Variants in TPMT observed in about 807,000 individuals in gnomAD.
TPMT encodes thiopurine S-methyltransferase.
Under a neutral mutation model 34.2 loss-of-function variants are expected in TPMT, and 18 were observed. The ratio of observed to expected loss-of-function variants is 0.53; its 90% CI spans 0.36 to 0.78. The LOEUF is 0.78. Ranked by LOEUF, TPMT falls within the 30% of genes least tolerant of loss-of-function variation. TPMT has a pLI of 0.00. For synonymous variants in TPMT, 69 were observed against 92.4 expected (o/e 0.75, Z 1.45); for missense variants, 265 against 288.1 (o/e 0.92, Z 0.58).
chr6:18,133,983 C>A, intron 6 of TPMT, 94 bp from the exon 7 acceptor site: 1 of 915,606 alleles, frequency 1.1e-6, no homozygotes, highest in Non-Finnish European at 1.8e-6. Flanking sequence ...AAGTTACTTT[C>A]GCTGATACTA....
intron 1 of TPMT, among the ~76,000 whole-genome samples, chr6:18,152,815 C>A (rs1432181391): frequency 6.6e-6 from 1 of 152,098 alleles, no homozygotes; most frequent in Non-Finnish European, 1.5e-5. Context: ...GGAAACCAGC[C>A]CTTTCAAAAG....
rs1783918297 is a variant in TPMT, at chr6:18,130,389, T to C, written c.*279A>G. ...TAATTGTACAGGTAACACATGCTGATTGGTAAAATATCTTGCAATCTGCAA... is the reference window on the plus strand; with the variant it reads ...TAATTGTACAGGTAACACATGCTGACTGGTAAAATATCTTGCAATCTGCAA... On this transcript the variant is annotated 3_prime_UTR_variant, in exon 9 of 9. Coordinates refer to ENST00000309983, the MANE Select transcript of TPMT (RefSeq NM_000367.5). The surrounding 1 kb of genome is among the most constrained non-coding windows in gnomAD (Gnocchi z 4.2). 2 of 358,936 alleles carry C rather than the reference T, an allele frequency of 5.6e-6. No individual in the cohort carries two copies. The highest frequency in any genetic ancestry group is 4.2e-5 in the African/African-American group (2 of 47,786). 22.2% of individuals were successfully genotyped at this position (358,936 alleles called of 1,614,324 possible). A position where few individuals can be genotyped will look rare whatever the true frequency, so the allele number is the denominator to read the frequency against.
In TPMT at chr6:18,148,706, AG is replaced by A. The variant is rs1784294498; in HGVS notation, c.140+281del. Among the ~76,000 whole-genome samples, 2 of 152,330 alleles carry A rather than the reference AG, an allele frequency of 1.3e-5. No homozygotes were observed. The highest frequency in any genetic ancestry group is 4.1e-4 in the South Asian group (2 of 4,826). On this transcript the variant is annotated intron_variant, in intron 2 of 8. Transcript: ENST00000309983. This position sits in a 1 kb window ranked among gnomAD's most constrained non-coding sequence, Gnocchi z 4.1. ...GCACCTGTTGTAGGTATAAATATTC[AG>A]GGCCAATACATAGGTGCCGTAGGGA...
At chr6:18,144,954 C>A (rs925081849) in intron 3 of TPMT, among the ~76,000 whole-genome samples, 5 of 152,018 alleles carry the variant, frequency 3.3e-5, no homozygotes, top group African/African-American at 9.7e-5. Flanking sequence ...CTCCTGACCT[C>A]AAATGATCTG....
Position 18,136,633 on chromosome 6 carries a change from C to A in TPMT, c.494+2330G>T, listed in dbSNP as rs914772784. Reference sequence around the variant, plus strand: ...GACCAGCCTGACCAACATGGAGAAACCCCGTCTCTACTAAAAATACAAAAA... The same window carrying A: ...GACCAGCCTGACCAACATGGAGAAAACCCGTCTCTACTAAAAATACAAAAA... On this transcript the variant is annotated intron_variant, in intron 6 of 8. Transcript: ENST00000309983. The surrounding 1 kb of genome is among the most constrained non-coding windows in gnomAD (Gnocchi z 4.7). 2.0e-5 allele frequency among the ~76,000 whole-genome samples: 3 copies of A among 152,188 alleles called. No individual in the cohort carries two copies. Among genetic ancestry groups the A allele is most frequent in the Admixed American group, 1.3e-4 (2 of 15,296 alleles).
Position 18,134,558 on chromosome 6 carries a change from C to A in TPMT, c.495-669G>T, listed in dbSNP as rs560196737. 7.9e-5 allele frequency among the ~76,000 whole-genome samples: 12 copies of A among 152,312 alleles called. No individual in the cohort carries two copies. In the South Asian group the frequency reaches 2.5e-3, roughly 32 times the overall value. On this transcript the variant is annotated intron_variant, in intron 6 of 8. Coordinates refer to ENST00000309983, the MANE Select transcript of TPMT (RefSeq NM_000367.5). ...GAGTAGGTGCCTCAGGGAGCCAGGTCTGATTGGCTCAGAGTGGGAAGCTGA... is the reference window on the plus strand; with the variant it reads ...GAGTAGGTGCCTCAGGGAGCCAGGTATGATTGGCTCAGAGTGGGAAGCTGA...
chr6:18,151,129 T>C (rs545378721), intron 1 of TPMT, among the ~76,000 whole-genome samples: 33 of 152,238 alleles, frequency 2.2e-4, no homozygotes, highest in African/African-American at 7.7e-4. Flanking sequence ...CTTCATGTTT[T>C]TGTACTATTT....
rs1237113706 is a variant in TPMT at position 18,149,495 on chromosome 6, G to T, written c.-44-324C>A. Among the ~76,000 whole-genome samples, 1 of 150,886 alleles carries T rather than the reference G, an allele frequency of 6.6e-6. No homozygotes were observed. The highest frequency in any genetic ancestry group is 1.5e-5 in the Non-Finnish European group (1 of 67,788). On this transcript the variant is annotated intron_variant, in intron 1 of 8. Transcript: ENST00000309983. The surrounding 1 kb of genome is among the most constrained non-coding windows in gnomAD (Gnocchi z 5.0). ...TGTTTTTTTTTTTTTCAGAGACAAG[G>T]TCTTGCTCTGTCACCCAGGCTGGAG...
At chr6:18,142,364 T>G (rs1159067022) in intron 4 of TPMT, among the ~76,000 whole-genome samples, 1 of 152,070 alleles carries the variant, frequency 6.6e-6, no homozygotes, top group Non-Finnish European at 1.5e-5. Context: ...CCAGCTTCCC[T>G]GATTTTTACT....
In TPMT at chr6:18,146,210, CAT is replaced by C. The variant is rs546575888; in HGVS notation, c.233+1611_233+1612del. ...AAATAACTGTATTTACGTATATATA[CAT>C]ATATATATATTTTTTGGAGACAGAG... is the stretch of plus-strand genomic sequence containing the variant. On this transcript the variant is annotated intron_variant, in intron 3 of 8. Transcript: ENST00000309983. The surrounding 1 kb of genome is among the most constrained non-coding windows in gnomAD (Gnocchi z 6.2). Among the ~76,000 whole-genome samples, 1 of 151,284 alleles carries C rather than the reference CAT, an allele frequency of 6.6e-6. No homozygotes were observed. The highest frequency in any genetic ancestry group is 2.1e-4 in the South Asian group (1 of 4,760).
Position 18,148,390 on chromosome 6 carries a change from T to TATGATG in TPMT, c.141-481_141-476dup, listed in dbSNP as rs775698594. On this transcript the variant is annotated intron_variant, in intron 2 of 8. Coordinates refer to ENST00000309983, the MANE Select transcript of TPMT (RefSeq NM_000367.5). This position sits in a 1 kb window ranked among gnomAD's most constrained non-coding sequence, Gnocchi z 4.1. ...GACAGAAATAACCCAGTGTTTCTGG[T>TATGATG]ATGATGATGATGATGATGATGATGT... Among the ~76,000 whole-genome samples the TATGATG allele has an allele frequency of 1.9e-4, 29 of 151,900 alleles. No individual in the cohort carries two copies. Among genetic ancestry groups the TATGATG allele is most frequent in the African/African-American group, 6.8e-4 (28 of 41,462 alleles).
intron 1 of TPMT, among the ~76,000 whole-genome samples, chr6:18,152,936 A>T (rs2150721701): frequency 6.6e-6 from 1 of 152,292 alleles, no homozygotes; most frequent in African/African-American, 2.4e-5. Flanking sequence ...ATGCACAGTA[A>T]GGGTTTTTCT....
rs1380110351 is a variant in TPMT at position 18,148,602 on chromosome 6, T to C, written c.140+386A>G. Among the ~76,000 whole-genome samples the C allele has an allele frequency of 2.0e-5, 3 of 152,238 alleles. No individual in the cohort carries two copies. Among genetic ancestry groups the C allele is most frequent in the Admixed American group, 6.5e-5 (1 of 15,286 alleles). The stretch of plus-strand genomic sequence containing the variant: ...ACCATAGAGATAATTCTTTAACATC[T>C]GAACACATCCTATTGGAAAGCAAAG... On this transcript the variant is annotated intron_variant, in intron 2 of 8. Coordinates refer to ENST00000309983, the MANE Select transcript of TPMT (RefSeq NM_000367.5). The surrounding 1 kb of genome is among the most constrained non-coding windows in gnomAD (Gnocchi z 4.1).
Position 18,138,149 on chromosome 6 carries a change from C to T in TPMT, c.494+814G>A, listed in dbSNP as rs1312320519. On this transcript the variant is annotated intron_variant, in intron 6 of 8. Transcript: ENST00000309983. The surrounding 1 kb of genome is among the most constrained non-coding windows in gnomAD (Gnocchi z 4.1). ...ACTCTGTCACATACCAGCTGCTTAACTTTGGACAAGTAACTTAATCTCTTT... is the reference window on the plus strand; with the variant it reads ...ACTCTGTCACATACCAGCTGCTTAATTTTGGACAAGTAACTTAATCTCTTT... Among the ~76,000 whole-genome samples, 2 of 152,144 alleles carry T rather than the reference C, an allele frequency of 1.3e-5. No homozygotes were observed. The highest frequency in any genetic ancestry group is 1.9e-4 in the East Asian group (1 of 5,190).
chr6:18,151,263 T>A (rs752859611), intron 1 of TPMT, among the ~76,000 whole-genome samples: 20 of 151,104 alleles, frequency 1.3e-4, no homozygotes, highest in Non-Finnish European at 2.7e-4. Flanking sequence ...GCCTGGAGTT[T>A]GAGACTAGCT....
rs1276085204 is a variant in TPMT at position 18,140,751 on chromosome 6, CAA to C, written c.367-1036_367-1035del. Among the ~76,000 whole-genome samples, 2 of 151,784 alleles carry C rather than the reference CAA, an allele frequency of 1.3e-5. No individual in the cohort carries two copies. Among genetic ancestry groups the C allele is most frequent in the Non-Finnish European group, 2.9e-5 (2 of 67,936 alleles). On this transcript the variant is annotated intron_variant, in intron 4 of 8. Coordinates refer to ENST00000309983, the MANE Select transcript of TPMT (RefSeq NM_000367.5). This position sits in a 1 kb window ranked among gnomAD's most constrained non-coding sequence, Gnocchi z 4.7. ...AACAACAAAAATCAAGAGAATAAAACAAAAAAAGAGGTGACTTTTGAAAGGGT... is the reference window on the plus strand; with the variant it reads ...AACAACAAAAATCAAGAGAATAAAACAAAAAGAGGTGACTTTTGAAAGGGT...
chr6:18,151,577 T>TTGATTGATTG (rs542829023), intron 1 of TPMT, among the ~76,000 whole-genome samples: 3 of 54,316 alleles, frequency 5.5e-5, no homozygotes, highest in African/African-American at 2.2e-4. Context: ...AACCTAGATT[T>TTGATTGATTG]ATTTATTTAT....
chr6:18,149,004 G>T lies in TPMT; in HGVS notation c.124C>A (p.Gln42Lys). Residue 42 changes from glutamine to lysine, a missense_variant, in exon 2 of 9, where the codon CAG (glutamine) becomes AAG (lysine). Coordinates refer to ENST00000309983, the MANE Select transcript of TPMT (RefSeq NM_000367.5). The surrounding 1 kb of genome is among the most constrained non-coding windows in gnomAD (Gnocchi z 5.0). ...KWVNGKTAFH[Q>K]EQGHQLLKKH... ...ATTTCTTACTGATGTCCTTGTTCCT[G>T]ATGAAAAGCAGTCTTGCCGTTCACC... 6.2e-7 allele frequency: 1 copy of T among 1,613,872 alleles called. No individual in the cohort carries two copies. Among genetic ancestry groups the T allele is most frequent in the Non-Finnish European group, 8.5e-7 (1 of 1,179,956 alleles).
In TPMT at chr6:18,132,575, C is replaced by G. The variant is rs923439150; in HGVS notation, c.581-398G>C. On this transcript the variant is annotated intron_variant, in intron 7 of 8. Transcript: ENST00000309983. The surrounding 1 kb of genome is among the most constrained non-coding windows in gnomAD (Gnocchi z 4.8). The stretch of plus-strand genomic sequence containing the variant: ...AAGGAAGCTGAGCTTCCGCCCCCTT[C>G]TAAGAGCAGTATCCTCAGACTCCAC... Among the ~76,000 whole-genome samples the G allele has an allele frequency of 1.4e-4, 22 of 152,254 alleles. No homozygotes were observed. Among genetic ancestry groups the G allele is most frequent in the African/African-American group, 5.3e-4 (22 of 41,564 alleles).
Sources: allele counts gnomAD v4.1 joint callset (sites outside exome capture counted in the v4.1 genomes callset), GRCh38; gene constraint gnomAD v4.1.1; non-coding constraint Gnocchi (gnomAD v3.1); transcripts MANE v1.5; gene names NCBI Gene and HGNC (gene_info 2026-07-23, HGNC 2026-07-21).